Variants in CFAP54 observed in about 807,000 individuals in gnomAD.
CFAP54 encodes cilia- and flagella-associated protein 54.
Under a neutral mutation model 370.4 loss-of-function variants are expected in CFAP54, and 290 were observed. The observed-to-expected ratio is 0.78, with a 90% CI of 0.71 to 0.86. CFAP54 has a LOEUF of 0.86. Ranked by LOEUF, CFAP54 falls within the 40% of genes least tolerant of loss-of-function variation. The pLI, the probability that CFAP54 is intolerant of heterozygous loss-of-function variation, is 0.00. For missense variants in CFAP54, 3,399 were observed against 3,528.7 expected, an observed-to-expected ratio of 0.96 and a Z score of 0.93; for synonymous variants, 1,206 against 1,236.5, an observed-to-expected ratio of 0.98 and a Z score of 0.52.
At position 96,700,136 on chromosome 12, in the gene CFAP54, G is replaced by A. The variant is rs770284067; in HGVS notation, c.6474+43G>A. The A allele has an allele frequency of 5.1e-6, 8 of 1,556,286 alleles. No individual in the cohort carries two copies. In the South Asian group the frequency reaches 9.5e-5, roughly 19 times the overall value. The stretch of plus-strand genomic sequence containing the variant: ...TTCAAAGCAATTTCTTTACCTATGA[G>A]GGATACATTCCTAAAATGTAAGGAA... On this transcript the variant is annotated intron_variant, in intron 46 of 67. Transcript: ENST00000524981.
At chr12:96,628,514 G>A (rs2136473337) in intron 30 of CFAP54, among the ~76,000 whole-genome samples, 1 of 152,276 alleles carries the variant, frequency 6.6e-6, no homozygotes, top group South Asian at 2.1e-4. Flanking sequence ...AGAGAGGAGA[G>A]GCTGTAGAGA....
chr12:96,638,498 A>C (rs1373707177), intron 32 of CFAP54, among the ~76,000 whole-genome samples: 1 of 151,758 alleles, frequency 6.6e-6, no homozygotes, highest in African/African-American at 2.4e-5. Flanking sequence ...TCAGCCTCTC[A>C]AAGTGCTGGG....
chr12:96,558,516 C>A (rs928362695), intron 17 of CFAP54, among the ~76,000 whole-genome samples: 49 of 152,136 alleles, frequency 3.2e-4, no homozygotes, highest in African/African-American at 1.2e-3. Context: ...GTAACCAAAG[C>A]AGCATGGTAC....
At chr12:96,691,046 C>G (rs1198925850) in intron 43 of CFAP54, 82 bp from the exon 44 acceptor site, 21 of 1,203,276 alleles carry the variant, frequency 1.7e-5, no homozygotes, top group Non-Finnish European at 2.4e-5. Flanking sequence ...TTTTATAAAG[C>G]AATACATGTA....
rs1345568766 is a variant in CFAP54, at chr12:96,630,622, G to C, written c.4287G>C (p.Pro1429=). Residue 1429 remains proline, a synonymous_variant, in exon 32 of 68, where the codon CCG becomes CCC. Coordinates refer to ENST00000524981, the MANE Select transcript of CFAP54 (RefSeq NM_001306084.2). ...TAAGAGATTTCATTTTTAAAAATCC[G>C]GCTATTTCTGAAATGGTGGCACATG... ...ETLRDFIFKN[P]AISEMVAHER... The C allele has an allele frequency of 2.7e-6, 4 of 1,495,642 alleles. No homozygotes were observed. Among genetic ancestry groups the C allele is most frequent in the Non-Finnish European group, 3.5e-6 (4 of 1,129,128 alleles). The allele number at this position is 1,495,642 out of a possible 1,614,324, so 92.6% of individuals were successfully genotyped here. A position where few individuals can be genotyped will look rare whatever the true frequency, so the allele number is the denominator to read the frequency against.
chr12:96,585,040 T>TC (rs777177276), intron 22 of CFAP54, among the ~76,000 whole-genome samples: 1,342 of 10,088 alleles, frequency 0.13, 11 homozygotes, highest in Middle Eastern at 0.42. Context: ...TCTCTCTCTC[T>TC]TTTTTTTTTT....
chr12:96,770,066 C>A (rs1459271160), intron 60 of CFAP54, among the ~76,000 whole-genome samples: 1 of 152,122 alleles, frequency 6.6e-6, no homozygotes, highest in Non-Finnish European at 1.5e-5. Flanking sequence ...TTTTCCTATT[C>A]CTCTAACACA....
chr12:96,517,585 T>C (rs1955251209), intron 5 of CFAP54, among the ~76,000 whole-genome samples: 1 of 152,132 alleles, frequency 6.6e-6, no homozygotes. Flanking sequence ...TGAGAAAAAT[T>C]CGAGGGTTTT....
chr12:96,507,096 A>G lies in CFAP54; in HGVS notation c.736A>G (p.Asn246Asp). Residue 246 changes from asparagine to aspartate, a missense_variant, in exon 4 of 68, where the codon AAT (asparagine) becomes GAT (aspartate). Transcript: ENST00000524981. ...PQEHLCWIIF[N>D]GTIYIYTICR... ...AGAGCATCTTTGCTGGATTATCTTC[A>G]ATGGTATATGCTGATGTATTTTATT... The G allele has an allele frequency of 6.5e-7, 1 of 1,528,806 alleles. No homozygotes were observed. The highest frequency in any genetic ancestry group is 8.7e-7 in the Non-Finnish European group (1 of 1,144,718). 94.7% of individuals were successfully genotyped at this position (1,528,806 alleles called of 1,614,324 possible). A position where few individuals can be genotyped will look rare whatever the true frequency, so the allele number is the denominator to read the frequency against.
intron 46 of CFAP54, among the ~76,000 whole-genome samples, chr12:96,701,323 T>C (rs1957489356): frequency 6.6e-6 from 1 of 152,134 alleles, no homozygotes; most frequent in South Asian, 2.1e-4. Flanking sequence ...TAGCAATATT[T>C]TCTTGCTTGC....
At chr12:96,693,698 C>G (rs1957412002) in intron 44 of CFAP54, 24 bp from the exon 45 acceptor site, 2 of 1,410,346 alleles carry the variant, frequency 1.4e-6, no homozygotes, top group Non-Finnish European at 9.8e-7. Context: ...TATTTTGAAA[C>G]AAAGAGTGTT....
Position 96,737,792 on chromosome 12 carries a change from A to G in CFAP54, c.6966-2164A>G, listed in dbSNP as rs146063961. 5.5e-4 allele frequency among the ~76,000 whole-genome samples: 83 copies of G among 151,968 alleles called. 1 individual carries two copies. Among genetic ancestry groups the G allele is most frequent in the African/African-American group, 1.9e-3 (80 of 41,268 alleles). On this transcript the variant is annotated intron_variant, in intron 50 of 67. Coordinates refer to ENST00000524981, the MANE Select transcript of CFAP54 (RefSeq NM_001306084.2). ...CATGAGATATATTGACCAAAAATAT[A>G]GATCAATAGACCTGTATAGAAATGT... is the stretch of plus-strand genomic sequence containing the variant.
intron 40 of CFAP54, among the ~76,000 whole-genome samples, chr12:96,682,495 T>C (rs527385037): frequency 6.6e-6 from 1 of 151,984 alleles, no homozygotes; most frequent in Admixed American, 6.6e-5. Context: ...CCCACTTCAG[T>C]CTCCCAAGCA....
chr12:96,621,044 C>T (rs578017106), intron 26 of CFAP54, among the ~76,000 whole-genome samples: 73 of 152,276 alleles, frequency 4.8e-4, no homozygotes, highest in Admixed American at 1.0e-3. Context: ...GGCCTCTTCC[C>T]CTTACGACTA....
At chr12:96,833,277 A>C (rs910244520) in intron 66 of CFAP54, among the ~76,000 whole-genome samples, 9 of 152,180 alleles carry the variant, frequency 5.9e-5, no homozygotes, top group Admixed American at 5.2e-4. Context: ...ATGATGCTAA[A>C]AATATTCTTG....
chr12:96,827,972 ATATATTATAT>A lies in CFAP54; in HGVS notation c.9097-1036_9097-1027del, dbSNP rs71437237. Among the ~76,000 whole-genome samples, 30 of 91,264 alleles carry A rather than the reference ATATATTATAT, an allele frequency of 3.3e-4. No homozygotes were observed. The South Asian group carries it at 7.5e-3, about 23-fold the overall frequency. The allele number at this position is 91,264 out of a possible 152,430, so 59.9% of individuals were successfully genotyped here. A position where few individuals can be genotyped will look rare whatever the true frequency, so the allele number is the denominator to read the frequency against. On this transcript the variant is annotated intron_variant, in intron 65 of 67. Coordinates refer to ENST00000524981, the MANE Select transcript of CFAP54 (RefSeq NM_001306084.2). ...ATATAATTATATATAATACATAGTA[ATATATTATAT>A]TATATATAGTTATATATAATATATA...
chr12:96,494,057 G>T (rs1018374062), intron 1 of CFAP54, among the ~76,000 whole-genome samples: 2 of 152,078 alleles, frequency 1.3e-5, no homozygotes, highest in Non-Finnish European at 2.9e-5. Context: ...AAGGACACCT[G>T]GGATTTGACT....
At chr12:96,737,249 T>C (rs1347873738) in intron 50 of CFAP54, among the ~76,000 whole-genome samples, 1 of 152,116 alleles carries the variant, frequency 6.6e-6, no homozygotes, top group East Asian at 1.9e-4. Flanking sequence ...GATTTTTGGA[T>C]ATGGGATACT....
At chr12:96,775,146 T>G (rs929561393) in intron 60 of CFAP54, among the ~76,000 whole-genome samples, 1 of 152,160 alleles carries the variant, frequency 6.6e-6, no homozygotes, top group Non-Finnish European at 1.5e-5. Flanking sequence ...AACTTTACTG[T>G]GGGCCGGGCG....
Sources: gnomAD v4.1 joint callset for allele counts (sites outside exome capture counted in the v4.1 genomes callset) on GRCh38, gnomAD v4.1.1 for gene constraint, MANE v1.5 for transcripts, NCBI Gene and HGNC (gene_info 2026-07-23, HGNC 2026-07-21) for gene names.